Variants in NOX4 observed in about 807,000 individuals in gnomAD.
NOX4 encodes kidney oxidase-1.
Under a neutral mutation model 87.6 loss-of-function variants are expected in NOX4, and 69 were observed. That is an observed-to-expected ratio of 0.79 (90% CI 0.65 to 0.96). NOX4 has a LOEUF of 0.96. NOX4 is among the 40% of genes least tolerant of loss of function. The pLI, the probability that NOX4 is intolerant of heterozygous loss-of-function variation, is 0.00. For synonymous variants in NOX4, 275 were observed against 238.2 expected (o/e 1.15, Z -1.42); for missense variants, 680 against 681.5 (o/e 1.00, Z 0.02).
At chr11:89,402,785 T>C (rs948492010) in intron 8 of NOX4, among the ~76,000 whole-genome samples, 9 of 152,148 alleles carry the variant, frequency 5.9e-5, no homozygotes, top group African/African-American at 1.9e-4. Context: ...GCTATAAATA[T>C]GTGGTAGAGA....
At chr11:89,426,906 G>A (rs1943450377) in intron 7 of NOX4, among the ~76,000 whole-genome samples, 1 of 152,180 alleles carries the variant, frequency 6.6e-6, no homozygotes. Context: ...TGAGATCTGA[G>A]AACGGACAGA....
intron 17 of NOX4, 27 bp downstream of exon 17, chr11:89,335,818 A>T: frequency 9.4e-7 from 1 of 1,064,558 alleles, no homozygotes; most frequent in Non-Finnish European, 1.4e-6. Context: ...TTAGCCACAT[A>T]TCAAATTTTT....
chr11:89,474,159 T>C (rs1312367527), intron 2 of NOX4, among the ~76,000 whole-genome samples: 1 of 152,124 alleles, frequency 6.6e-6, no homozygotes. Flanking sequence ...CGCCAACCTA[T>C]TAAATTAAAT....
In NOX4 at chr11:89,334,270, A is replaced by T. The variant is rs142953955; in HGVS notation, c.1616+1575T>A. Among the ~76,000 whole-genome samples, 611 of 151,884 alleles carry T rather than the reference A, an allele frequency of 4.0e-3. 4 individuals are homozygous for T. Among genetic ancestry groups the T allele is most frequent in the African/African-American group, 0.014 (586 of 41,522 alleles). On this transcript the variant is annotated intron_variant, in intron 17 of 17. Coordinates refer to ENST00000263317, the MANE Select transcript of NOX4 (RefSeq NM_016931.5). ...CTAAGATGGGTGATACTGGAGAAAG[A>T]TGGGAAAGGAAGATAGCCAAAAGTG...
At chr11:89,338,183 A>C (rs553052925) in intron 15 of NOX4, among the ~76,000 whole-genome samples, 3 of 152,204 alleles carry the variant, frequency 2.0e-5, no homozygotes, top group Non-Finnish European at 4.4e-5. Context: ...TGTAGAGACT[A>C]TTCTACTTCC....
intron 12 of NOX4, among the ~76,000 whole-genome samples, 175 bp from the exon 13 acceptor site, chr11:89,355,218 A>ATG (rs535506231): frequency 2.6e-4 from 39 of 150,134 alleles, no homozygotes; most frequent in Middle Eastern, 3.5e-3. Context: ...TAGTGTATGT[A>ATG]TGTGTGTGTG....
At chr11:89,548,521 C>T in the NOX4 span, 15 of 152,314 alleles carry the variant, frequency 9.8e-5, no homozygotes, top group Admixed American at 3.3e-4. Flanking sequence ...AAAAAAAGAT[C>T]TAAAGACTGC....
chr11:89,395,837 G>C (rs1941445702), intron 11 of NOX4, among the ~76,000 whole-genome samples: 1 of 151,986 alleles, frequency 6.6e-6, no homozygotes, highest in Non-Finnish European at 1.5e-5. Flanking sequence ...TATTTCTGAG[G>C]GCTCTGTTCT....
chr11:89,361,592 C>G (rs1309836806), intron 12 of NOX4, among the ~76,000 whole-genome samples: 3 of 151,786 alleles, frequency 2.0e-5, no homozygotes, highest in Non-Finnish European at 4.4e-5. Context: ...TACCTGTACC[C>G]CAAAAACTAT....
intron 12 of NOX4, among the ~76,000 whole-genome samples, chr11:89,365,163 G>A (rs1035903859): frequency 6.6e-6 from 1 of 152,080 alleles, no homozygotes; most frequent in Non-Finnish European, 1.5e-5. Flanking sequence ...TGTAAGGTCT[G>A]AAGGTAGACA....
At chr11:89,378,506 T>G (rs1442724698) in intron 11 of NOX4, among the ~76,000 whole-genome samples, 1 of 152,188 alleles carries the variant, frequency 6.6e-6, no homozygotes, top group Non-Finnish European at 1.5e-5. Flanking sequence ...GATTTTTCTA[T>G]ATTAATAAAC....
the NOX4 span, among the ~76,000 whole-genome samples, chr11:89,515,879 T>A: frequency 6.6e-6 from 1 of 151,960 alleles, no homozygotes; most frequent in Non-Finnish European, 1.5e-5. Context: ...TGCAAAAAAA[T>A]TACCTGAAAA....
At chr11:89,332,026 T>C (rs1049434317) in intron 17 of NOX4, among the ~76,000 whole-genome samples, 2 of 151,976 alleles carry the variant, frequency 1.3e-5, no homozygotes, top group South Asian at 2.1e-4. Flanking sequence ...AGACCTTTGA[T>C]GGAATGAGTG....
intron 11 of NOX4, among the ~76,000 whole-genome samples, chr11:89,393,043 C>G (rs1941232815): frequency 6.6e-6 from 1 of 152,094 alleles, no homozygotes; most frequent in African/African-American, 2.4e-5. Context: ...TGCTGAAGAC[C>G]TTTAGCACTG....
the NOX4 span, chr11:89,533,804 T>C: frequency 1.3e-5 from 2 of 152,234 alleles, no homozygotes; most frequent in Admixed American, 1.3e-4. Flanking sequence ...GACTGTTGAT[T>C]CTACACAGCT....
chr11:89,409,225 A>C (rs1458268259), intron 8 of NOX4, among the ~76,000 whole-genome samples: 1 of 152,174 alleles, frequency 6.6e-6, no homozygotes, highest in Admixed American at 6.6e-5. Flanking sequence ...TGTTTCTTAA[A>C]TAAATACAGT....
chr11:89,518,067 A>C, the NOX4 span, among the ~76,000 whole-genome samples: 3 of 152,106 alleles, frequency 2.0e-5, no homozygotes, highest in African/African-American at 7.2e-5. Context: ...TAAATCCCAA[A>C]ATAATGAAGA....
rs150374681 is a variant in NOX4, at chr11:89,480,374, G to A, written c.153+10084C>T. 1.2e-3 allele frequency among the ~76,000 whole-genome samples: 190 copies of A among 152,202 alleles called. 3 individuals carry two copies. Among genetic ancestry groups the A allele is most frequent in the Admixed American group, 8.3e-3 (126 of 15,272 alleles). On this transcript the variant is annotated intron_variant, in intron 2 of 17. Coordinates refer to ENST00000263317, the MANE Select transcript of NOX4 (RefSeq NM_016931.5). Reference sequence around the variant, plus strand: ...GTGAAATGATAGGAGACAAAAACACGACATAACAACAGTCTTCCACATCTG... The same window carrying A: ...GTGAAATGATAGGAGACAAAAACACAACATAACAACAGTCTTCCACATCTG...
the NOX4 span, among the ~76,000 whole-genome samples, chr11:89,539,136 A>T: frequency 6.6e-6 from 1 of 152,198 alleles, no homozygotes; most frequent in Non-Finnish European, 1.5e-5. Flanking sequence ...CAAATAAAAA[A>T]AATAATAAAT....
Sources: allele counts gnomAD v4.1 joint callset (sites outside exome capture counted in the v4.1 genomes callset), GRCh38; gene constraint gnomAD v4.1.1; transcripts MANE v1.5; gene names NCBI Gene and HGNC (gene_info 2026-07-23, HGNC 2026-07-21).